Variants in KCNIP1 observed in about 807,000 individuals in gnomAD.
KCNIP1 encodes the protein A-type potassium channel modulatory protein KCNIP1.
In KCNIP1, 18 loss-of-function variants were observed where a neutral mutation model predicts 33.0. That is an observed-to-expected ratio of 0.55 (90% CI 0.38 to 0.81). KCNIP1 has a LOEUF of 0.81. KCNIP1 is among the 30% of genes least tolerant of loss of function. KCNIP1 has a pLI of 0.00. For missense variants in KCNIP1, 238 were observed against 271.6 expected (o/e 0.88, Z 0.87); for synonymous variants, 93 against 98.3 (o/e 0.95, Z 0.32).
At position 170,659,858 on chromosome 5, in the gene KCNIP1, G is replaced by A. The variant is rs75606531; in HGVS notation, c.62-58900G>A. Among the ~76,000 whole-genome samples, 1,254 of 152,302 alleles carry A rather than the reference G, an allele frequency of 8.2e-3. 11 individuals carry two copies. The highest frequency in any genetic ancestry group is 0.029 in the African/African-American group (1,193 of 41,550). On this transcript the variant is annotated intron_variant, in intron 1 of 7. Transcript: ENST00000328939. The stretch of plus-strand genomic sequence containing the variant: ...TAATAGAACTGCTTCTGTGTCCTCA[G>A]ATCTCCATCGTTCATCTCCTGATAA...
intron 1 of KCNIP1, among the ~76,000 whole-genome samples, chr5:170,590,134 G>C (rs745519406): frequency 1.3e-5 from 2 of 152,198 alleles, no homozygotes. Flanking sequence ...TTGGACACAA[G>C]TTTGGAAACT....
intron 1 of KCNIP1, among the ~76,000 whole-genome samples, chr5:170,693,215 C>T (rs1486026385): frequency 6.6e-6 from 1 of 151,400 alleles, no homozygotes. Flanking sequence ...TGTTCTTTGT[C>T]CTCTGCTGGC....
intron 1 of KCNIP1, chr5:170,383,826 G>A: frequency 6.2e-7 from 1 of 1,614,006 alleles, no homozygotes; most frequent in Non-Finnish European, 8.5e-7. Context: ...CAATCAGGTG[G>A]CACTTGGATT....
intron 1 of KCNIP1, among the ~76,000 whole-genome samples, chr5:170,704,035 AGAGAGAGCTTTTTTTTGCAGTGGTCT>A (rs1763180744): frequency 7.2e-6 from 1 of 138,042 alleles, no homozygotes; most frequent in African/African-American, 2.7e-5. Context: ...GAATTTGGAC[AGAGAGAGCTTTTTTTTGCAGTGGTCT>A]GAGAGAGCTG....
chr5:170,727,341 CTT>C (rs1256208430), intron 5 of KCNIP1, among the ~76,000 whole-genome samples: 3 of 152,154 alleles, frequency 2.0e-5, no homozygotes, highest in African/African-American at 7.2e-5. Flanking sequence ...GAAGGGATGT[CTT>C]TTGGTTGTGA....
At chr5:170,641,243 C>G (rs766360032) in intron 1 of KCNIP1, among the ~76,000 whole-genome samples, 1 of 152,210 alleles carries the variant, frequency 6.6e-6, no homozygotes, top group South Asian at 2.1e-4. Flanking sequence ...CAGACCCCAC[C>G]TCTGTGCCTC....
intron 1 of KCNIP1, among the ~76,000 whole-genome samples, chr5:170,632,285 A>G (rs1401972356): frequency 1.3e-5 from 2 of 152,214 alleles, no homozygotes; most frequent in East Asian, 1.9e-4. Flanking sequence ...CTGTCCCACC[A>G]ACGCCACGTG....
intron 1 of KCNIP1, among the ~76,000 whole-genome samples, chr5:170,452,544 G>A (rs534768499): frequency 2.0e-5 from 3 of 152,268 alleles, no homozygotes; most frequent in South Asian, 4.1e-4. Context: ...GTTTCATTTA[G>A]GGGCTCCTGT....
At chr5:170,611,858 C>A (rs1759168431) in intron 1 of KCNIP1, among the ~76,000 whole-genome samples, 1 of 152,288 alleles carries the variant, frequency 6.6e-6, no homozygotes, top group South Asian at 2.1e-4. Flanking sequence ...TGACAGTCTA[C>A]CACACCTATT....
chr5:170,639,089 GACC>G (rs1760422616), intron 1 of KCNIP1: 1 of 152,218 alleles, frequency 6.6e-6, no homozygotes, highest in African/African-American at 2.4e-5. Context: ...CCATGACACT[GACC>G]CAAGGCTGTC....
intron 1 of KCNIP1, among the ~76,000 whole-genome samples, chr5:170,549,208 C>G (rs1247334233): frequency 1.3e-5 from 2 of 152,176 alleles, no homozygotes; most frequent in East Asian, 3.8e-4. Context: ...AACTTTCATC[C>G]AGAGTTTCAA....
chr5:170,508,324 G>A (rs952219619), intron 1 of KCNIP1, among the ~76,000 whole-genome samples: 1 of 152,148 alleles, frequency 6.6e-6, no homozygotes, highest in Non-Finnish European at 1.5e-5. Context: ...TGAGTTAATA[G>A]GGTACTGGTT....
intron 1 of KCNIP1, among the ~76,000 whole-genome samples, chr5:170,705,841 G>A (rs542809464): frequency 1.4e-3 from 206 of 152,300 alleles, no homozygotes; most frequent in African/African-American, 4.8e-3. Context: ...ATTGGATTCT[G>A]TTGTTGAGAA....
At chr5:170,371,269 C>G (rs901071798) in intron 1 of KCNIP1, among the ~76,000 whole-genome samples, 2 of 152,108 alleles carry the variant, frequency 1.3e-5, no homozygotes, top group Non-Finnish European at 2.9e-5. Flanking sequence ...TGGCAGTGCC[C>G]ACAGCAGAAC....
At chr5:170,515,615 A>G (rs140726284) in intron 1 of KCNIP1, among the ~76,000 whole-genome samples, 1 of 152,346 alleles carries the variant, frequency 6.6e-6, no homozygotes, top group East Asian at 1.9e-4. Flanking sequence ...AGTGAGCACT[A>G]TTACTAGACC....
chr5:170,446,679 C>A (rs915366548), intron 1 of KCNIP1, among the ~76,000 whole-genome samples: 9 of 152,150 alleles, frequency 5.9e-5, no homozygotes, highest in African/African-American at 2.2e-4. Flanking sequence ...TGGGCTCAAG[C>A]AATCCTCCTG....
chr5:170,365,623 G>A (rs1251979282), intron 1 of KCNIP1, among the ~76,000 whole-genome samples: 1 of 152,236 alleles, frequency 6.6e-6, no homozygotes, highest in Non-Finnish European at 1.5e-5. Flanking sequence ...ACCAGCGAAG[G>A]CATCTGGGGG....
intron 1 of KCNIP1, among the ~76,000 whole-genome samples, chr5:170,444,699 T>TTAA (rs1554093020): frequency 1.4e-5 from 2 of 146,334 alleles, no homozygotes; most frequent in African/African-American, 5.0e-5. Flanking sequence ...TTTCTTTTTT[T>TTAA]AAAAAAAAAA....
At chr5:170,465,326 A>G (rs1029330899) in intron 1 of KCNIP1, among the ~76,000 whole-genome samples, 1 of 152,212 alleles carries the variant, frequency 6.6e-6, no homozygotes, top group Non-Finnish European at 1.5e-5. Context: ...ATCAGAGGCT[A>G]TAAACCACCT....
Sources: gnomAD v4.1 joint callset for allele counts (sites outside exome capture counted in the v4.1 genomes callset) on GRCh38, gnomAD v4.1.1 for gene constraint, MANE v1.5 for transcripts, NCBI Gene and HGNC (gene_info 2026-07-23, HGNC 2026-07-21) for gene names.